The following FAM171A2 variants were observed in gnomAD, a reference collection of about 807,000 sequenced individuals.
FAM171A2 encodes protein FAM171A2.
FAM171A2 carries 13 observed loss-of-function variants against 34.2 expected under a neutral mutation model. The observed-to-expected ratio is 0.38, with a 90% confidence interval of 0.25 to 0.60. The LOEUF (loss-of-function observed/expected upper bound fraction) is 0.60. FAM171A2 is among the 20% of genes least tolerant of loss of function. The pLI, the probability that FAM171A2 is intolerant of heterozygous loss-of-function variation, is 0.62. For synonymous variants in FAM171A2, 475 were observed against 561.2 expected (o/e 0.85, Z 2.17); for missense variants, 950 against 1,180.7 (o/e 0.80, Z 2.86).
In FAM171A2 at chr17:44,355,907, C is replaced by T. The variant is rs2048420742; in HGVS notation, c.895+51G>A. 6.5e-7 allele frequency: 1 copy of T among 1,546,850 alleles called. No individual in the cohort carries two copies. The highest frequency in any genetic ancestry group is 2.0e-5 in the Admixed American group (1 of 50,882). ...TTCCTGCCTTTCAGAAGTCTGCTCT[C>T]CCAGCTCCCCTCCTCCGCGGCCTCT... On this transcript the variant is annotated intron_variant, in intron 6 of 7. Coordinates refer to ENST00000293443, the MANE Select transcript of FAM171A2 (RefSeq NM_198475.3). The surrounding 1 kb of genome is among the most constrained non-coding windows in gnomAD (Gnocchi z 4.1).
intron 1 of FAM171A2, among the ~76,000 whole-genome samples, chr17:44,362,284 A>G (rs932545393): frequency 2.6e-5 from 4 of 152,058 alleles, no homozygotes; most frequent in Middle Eastern, 3.4e-3. Context: ...GCTTCTTCCT[A>G]CTAAGAAAAG....
intron 3 of FAM171A2, among the ~76,000 whole-genome samples, chr17:44,358,450 TGA>T (rs1239647647): frequency 6.6e-6 from 1 of 151,984 alleles, no homozygotes; most frequent in East Asian, 1.9e-4. Context: ...CCCAGCACTT[TGA>T]GAGGCAGAGG....
rs967182290 is a variant in FAM171A2 at position 44,353,602 on chromosome 17, G to C, written c.*131C>G. ...ACGACCCAGCACCAACCACGGAACA[G>C]CTCCAAGGCCCCTGGGCCCCTCTCC... On this transcript the variant is annotated 3_prime_UTR_variant, in exon 8 of 8. Transcript: ENST00000293443. 23 of 656,294 alleles carry C rather than the reference G, an allele frequency of 3.5e-5. No individual in the cohort carries two copies. Among genetic ancestry groups the C allele is most frequent in the Admixed American group, 4.9e-5 (1 of 20,518 alleles). 40.7% of individuals were successfully genotyped at this position (656,294 alleles called of 1,614,324 possible). A position where few individuals can be genotyped will look rare whatever the true frequency, so the allele number is the denominator to read the frequency against.
Position 44,359,688 on chromosome 17 carries a change from C to G in FAM171A2, c.347-17G>C. On this transcript the variant is annotated splice_polypyrimidine_tract_variant and intron_variant, in intron 2 of 7. Transcript: ENST00000293443. ...ACGCATACACTGCGGGAGGGATGGC[C>G]GGTCAGCTCCAGGAAAACCCACCCC... is the stretch of plus-strand genomic sequence containing the variant. 1.9e-6 allele frequency: 3 copies of G among 1,547,864 alleles called. No individual in the cohort carries two copies. Among genetic ancestry groups the G allele is most frequent in the Non-Finnish European group, 2.6e-6 (3 of 1,145,498 alleles).
Position 44,354,772 on chromosome 17 carries a change from A to AAGGGCGGCGGCGGCG in FAM171A2, c.1427_1441dup (p.Ser476_Pro480dup). ...CCCCTTGTGGCCCAGGTAGTGGTCGAAGGGCGGCGGCGGCGAGGGCGGCTC... is the reference window on the plus strand; with the variant it reads ...CCCCTTGTGGCCCAGGTAGTGGTCGAAGGGCGGCGGCGGCGAGGGCGGCGGCGGCGAGGGCGGCTC... On this transcript the variant is annotated inframe_insertion, in exon 8 of 8. Transcript: ENST00000293443. This position sits in a 1 kb window ranked among gnomAD's most constrained non-coding sequence, Gnocchi z 5.8. 2 of 1,303,502 alleles carry AAGGGCGGCGGCGGCG rather than the reference A, an allele frequency of 1.5e-6. No individual in the cohort carries two copies. The highest frequency in any genetic ancestry group is 9.7e-7 in the Non-Finnish European group (1 of 1,025,712). The allele number at this position is 1,303,502 out of a possible 1,614,324, so 80.7% of individuals were successfully genotyped here.
At chr17:44,357,658 T>A (rs747411933) in intron 3 of FAM171A2, among the ~76,000 whole-genome samples, 4 of 151,694 alleles carry the variant, frequency 2.6e-5, no homozygotes, top group Non-Finnish European at 5.9e-5. Flanking sequence ...AAAAAAAAAA[T>A]TAATGAATTT....
At position 44,353,740 on chromosome 17, in the gene FAM171A2, A is replaced by T. The variant is rs2048403109; in HGVS notation, c.2474T>A (p.Val825Asp). The change falls in exon 8 of 8, where the codon GTC becomes GAC. Residue 825 changes from valine to aspartate, a missense_variant. This residue lies in a region of FAM171A2 where 191 missense variants were observed against 222.8 expected (regional missense o/e 0.86). Transcript: ENST00000293443. ...REERPLMVFNVK is the reference protein window; with the variant it reads ...REERPLMVFNDK ...CCAGGCCCTGCGCGGGCGCTACTTG[A>T]CGTTGAACACCATCAGCGGCCGCTC... 7.1e-7 allele frequency: 1 copy of T among 1,416,250 alleles called. No individual in the cohort carries two copies. The highest frequency in any genetic ancestry group is 2.6e-5 in the Admixed American group (1 of 38,244). The allele number at this position is 1,416,250 out of a possible 1,614,324, so 87.7% of individuals were successfully genotyped here. A position where few individuals can be genotyped will look rare whatever the true frequency, so the allele number is the denominator to read the frequency against.
Position 44,354,232 on chromosome 17 carries a change from C to A in FAM171A2, c.1982G>T (p.Arg661Leu). 1 of 1,453,462 alleles carries A rather than the reference C, an allele frequency of 6.9e-7. No individual in the cohort carries two copies. The highest frequency in any genetic ancestry group is 9.1e-7 in the Non-Finnish European group (1 of 1,094,786). The allele number at this position is 1,453,462 out of a possible 1,614,324, so 90.0% of individuals were successfully genotyped here. Residue 661 changes from arginine (R) to leucine (L), a missense_variant, in exon 8 of 8, where the codon CGC (arginine) becomes CTC (leucine). By Grantham distance (102) the Arg-to-Leu change is moderately radical. This residue lies in a region of FAM171A2 where 752 missense variants were observed against 924.5 expected (regional missense o/e 0.81). Coordinates refer to ENST00000293443, the MANE Select transcript of FAM171A2 (RefSeq NM_198475.3). The surrounding 1 kb of genome is among the most constrained non-coding windows in gnomAD (Gnocchi z 5.8). ...PRAWFVSLDG[R>L]SNSQVRHSYI... ...AGAGTGGCGCACTTGCGAGTTGGAG[C>A]GCCCGTCGAGGGACACGAACCAGGC...
At position 44,355,784 on chromosome 17, in the gene FAM171A2, A is replaced by C; in HGVS notation, c.953T>G (p.Leu318Trp). 1.9e-6 allele frequency: 3 copies of C among 1,551,914 alleles called. No homozygotes were observed. The highest frequency in any genetic ancestry group is 2.6e-6 in the Non-Finnish European group (3 of 1,147,050). ...QDIGTYHTIF[L>W]LTILAALALL... ...GGCCAGGGCTGCCAGGATGGTGAGC[A>C]AGAAGATGGTGTGGTAGGTGCCGAT... is the stretch of plus-strand genomic sequence containing the variant. The change falls in exon 7 of 8, where the codon TTG (leucine) becomes TGG (tryptophan). Residue 318 changes from leucine (L) to tryptophan (W), a missense_variant. Leu to Trp is a moderately conservative substitution (Grantham distance 61, BLOSUM62 -2). Around this residue, in one of 3 missense-constraint regions of FAM171A2, gnomAD observed 752 missense variants for 924.5 expected, o/e 0.81. Coordinates refer to ENST00000293443, the MANE Select transcript of FAM171A2 (RefSeq NM_198475.3). This position sits in a 1 kb window ranked among gnomAD's most constrained non-coding sequence, Gnocchi z 4.1.
Position 44,355,069 on chromosome 17 carries a change from A to T in FAM171A2, c.1145T>A (p.Leu382Gln), listed in dbSNP as rs1394320992. 3 of 1,548,804 alleles carry T rather than the reference A, an allele frequency of 1.9e-6. No individual in the cohort carries two copies. The highest frequency in any genetic ancestry group is 1.7e-6 in the Non-Finnish European group (2 of 1,146,228). ...GGGGTCCCCCGACGGGGCGGGTTCC[A>T]GGGGTCCCCCACAGATGAGGTGGAG... The part of the protein sequence containing the change: ...SQLHLICGGP[L>Q]EPAPSGDPEA... Residue 382 changes from leucine (L) to glutamine (Q), a missense_variant, in exon 8 of 8, where the codon CTG becomes CAG. This residue lies in a region of FAM171A2 where 752 missense variants were observed against 924.5 expected (regional missense o/e 0.81). Transcript: ENST00000293443. This position sits in a 1 kb window ranked among gnomAD's most constrained non-coding sequence, Gnocchi z 4.1.
At chr17:44,362,126 G>A (rs2048450362) in intron 1 of FAM171A2, among the ~76,000 whole-genome samples, 1 of 152,138 alleles carries the variant, frequency 6.6e-6, no homozygotes, top group Non-Finnish European at 1.5e-5. Context: ...CAGGTGCCTA[G>A]CAGATTCCCT....
chr17:44,359,550 G>T, intron 3 of FAM171A2, 29 bp downstream of exon 3: 2 of 1,536,464 alleles, frequency 1.3e-6, no homozygotes, highest in Non-Finnish European at 1.8e-6. Flanking sequence ...GAAGGAAGAA[G>T]AGTTGGCGTG....
At chr17:44,360,300 CT>C (rs2048443124) in intron 1 of FAM171A2, among the ~76,000 whole-genome samples, 168 bp from the exon 2 acceptor site, 1 of 152,242 alleles carries the variant, frequency 6.6e-6, no homozygotes, top group African/African-American at 2.4e-5. Flanking sequence ...CTGAAACCTC[CT>C]ATCAGCCCAT....
rs2048424245 is a variant in FAM171A2, at chr17:44,356,456, A to T, written c.572T>A (p.Phe191Tyr). 7 of 1,551,056 alleles carry T rather than the reference A, an allele frequency of 4.5e-6. No homozygotes were observed. The highest frequency in any genetic ancestry group is 6.1e-6 in the Non-Finnish European group (7 of 1,146,958). Residue 191 changes from phenylalanine (F) to tyrosine (Y), a missense_variant, in exon 4 of 8, where the codon TTC (phenylalanine) becomes TAC (tyrosine). By Grantham distance (22) the Phe-to-Tyr change is conservative. Around this residue, in one of 3 missense-constraint regions of FAM171A2, gnomAD observed 752 missense variants for 924.5 expected, o/e 0.81. Coordinates refer to ENST00000293443, the MANE Select transcript of FAM171A2 (RefSeq NM_198475.3). Reference sequence around the variant, plus strand: ...TGAGCTGGAGGCCTCAGTGCCCAGGAAGGCAGGGAAAGCCCGCATTTCCTG... The same window carrying T: ...TGAGCTGGAGGCCTCAGTGCCCAGGTAGGCAGGGAAAGCCCGCATTTCCTG... The part of the protein sequence containing the change: ...TQQEMRAFPA[F>Y]LGTEASSSGN...
At position 44,354,556 on chromosome 17, in the gene FAM171A2, G is replaced by T; in HGVS notation, c.1658C>A (p.Ala553Glu). 8.3e-7 allele frequency: 1 copy of T among 1,203,090 alleles called. No homozygotes were observed. The highest frequency in any genetic ancestry group is 1.0e-6 in the Non-Finnish European group (1 of 969,422). 74.5% of individuals were successfully genotyped at this position (1,203,090 alleles called of 1,614,324 possible). A position where few individuals can be genotyped will look rare whatever the true frequency, so the allele number is the denominator to read the frequency against. The change falls in exon 8 of 8, where the codon GCG becomes GAG. Residue 553 changes from alanine (A) to glutamate (E), a missense_variant. Around this residue, in one of 3 missense-constraint regions of FAM171A2, gnomAD observed 752 missense variants for 924.5 expected, o/e 0.81. Transcript: ENST00000293443. This position sits in a 1 kb window ranked among gnomAD's most constrained non-coding sequence, Gnocchi z 5.8. ...PAHYVRLGGE[A>E]GAAGVGDEPA... ...CTCGTCGCCCACGCCGGCGGCGCCC[G>T]CCTCGCCGCCGAGGCGCACGTAGTG...
At chr17:44,361,189 A>G (rs988930920) in intron 1 of FAM171A2, among the ~76,000 whole-genome samples, 2 of 152,206 alleles carry the variant, frequency 1.3e-5, no homozygotes, top group Non-Finnish European at 2.9e-5. Context: ...GCGTGATGGG[A>G]AGGAACCAAG....
chr17:44,359,671 A>G lies in FAM171A2; in HGVS notation c.347T>C (p.Leu116Ser). The change falls in exon 3 of 8, where the codon TTG (leucine) becomes TCG (serine). Residue 116 changes from leucine (L) to serine (S), a missense_variant and splice_region_variant. Leu to Ser is a moderately radical substitution (Grantham distance 145). This residue lies in a region of FAM171A2 where 752 missense variants were observed against 924.5 expected (regional missense o/e 0.81). Coordinates refer to ENST00000293443, the MANE Select transcript of FAM171A2 (RefSeq NM_198475.3). ...SVPWRVDKLP[L>S]YASVSLYLLP... ...CAGGTAGAGGCTGACAGACGCATAC[A>G]CTGCGGGAGGGATGGCCGGTCAGCT... The G allele has an allele frequency of 6.5e-7, 1 of 1,550,338 alleles. No individual in the cohort carries two copies.
In FAM171A2 at chr17:44,354,818, C is replaced by T; in HGVS notation, c.1396G>A (p.Gly466Arg). 1 of 1,282,778 alleles carries T rather than the reference C, an allele frequency of 7.8e-7. No homozygotes were observed. The highest frequency in any genetic ancestry group is 2.4e-5 in the South Asian group (1 of 41,882). 79.5% of individuals were successfully genotyped at this position (1,282,778 alleles called of 1,614,324 possible). Reference protein sequence around the residue: ...GLEEHRRGPSGAAAFLHEPPS... With the variant: ...GLEEHRRGPSRAAAFLHEPPS... ...GGCTCGTGCAGGAAGGCCGCAGCCC[C>T]CGAGGGCCCCCGCCGGTGCTCCTCT... Residue 466 changes from glycine (G) to arginine (R), a missense_variant, in exon 8 of 8, where the codon GGG (glycine) becomes AGG (arginine). By Grantham distance (125) the Gly-to-Arg change is moderately radical. Coordinates refer to ENST00000293443, the MANE Select transcript of FAM171A2 (RefSeq NM_198475.3). This position sits in a 1 kb window ranked among gnomAD's most constrained non-coding sequence, Gnocchi z 5.8.
chr17:44,359,870 T>C, intron 2 of FAM171A2, 35 bp downstream of exon 2: 2 of 1,496,286 alleles, frequency 1.3e-6, no homozygotes, highest in Non-Finnish European at 1.8e-6. Flanking sequence ...GAGGGTCAGC[T>C]GCTGTCCCCC....
Sources: gnomAD v4.1 joint callset for allele counts (sites outside exome capture counted in the v4.1 genomes callset) on GRCh38, gnomAD v4.1.1 for gene constraint, gnomAD v4.1.1 regional missense constraint, Gnocchi (gnomAD v3.1) non-coding constraint, MANE v1.5 for transcripts, NCBI Gene and HGNC (gene_info 2026-07-23, HGNC 2026-07-21) for gene names.